The following B4GALNT3 variants were observed in gnomAD, a reference collection of about 807,000 sequenced individuals.
The protein encoded by B4GALNT3 is beta-1,4-N-acetyl-galactosaminyltransferase 3, also known as beta-1,4-N-acetylgalactosaminyltransferase 3.
B4GALNT3 carries 86 observed loss-of-function variants against 120.2 expected under a neutral mutation model. The observed-to-expected ratio is 0.72, with a 90% CI of 0.60 to 0.86. The LOEUF (loss-of-function observed/expected upper bound fraction) is 0.86. B4GALNT3 is among the 40% of genes least tolerant of loss of function. The pLI, the probability that B4GALNT3 is intolerant of heterozygous loss-of-function variation, is 0.00. For missense variants in B4GALNT3, 1,167 were observed against 1,298.9 expected (o/e 0.90, Z 1.56); for synonymous variants, 518 against 510.4 (o/e 1.01, Z -0.20).
chr12:547,835 A>G (rs144609567), intron 7 of B4GALNT3, among the ~76,000 whole-genome samples, 189 bp from the exon 8 acceptor site: 262 of 152,260 alleles, frequency 1.7e-3, no homozygotes, highest in Non-Finnish European at 3.3e-3. Flanking sequence ...CCATCTCACC[A>G]AGAGAAAACA....
intron 1 of B4GALNT3, among the ~76,000 whole-genome samples, chr12:474,176 GT>G (rs1946162053): frequency 6.6e-6 from 1 of 152,210 alleles, no homozygotes; most frequent in Non-Finnish European, 1.5e-5. Context: ...CAGACTTGGA[GT>G]TTTCTACCAG....
chr12:533,370 G>A (rs895375430), intron 1 of B4GALNT3, among the ~76,000 whole-genome samples: 10 of 152,092 alleles, frequency 6.6e-5, no homozygotes, highest in East Asian at 3.9e-4. Flanking sequence ...CCCTGAACTC[G>A]CCAGACCTCT....
chr12:480,154 A>T (rs1488895116), intron 1 of B4GALNT3, among the ~76,000 whole-genome samples: 1 of 150,160 alleles, frequency 6.7e-6, no homozygotes, highest in African/African-American at 2.5e-5. Context: ...TGACCTCGTG[A>T]TCCGCCCGCC....
chr12:512,186 A>ACCTTCCG lies in B4GALNT3; in HGVS notation c.170-22973_170-22967dup, dbSNP rs201161979. On this transcript the variant is annotated intron_variant, in intron 1 of 19. Coordinates refer to ENST00000266383, the MANE Select transcript of B4GALNT3 (RefSeq NM_173593.4). ...TTCCACCTTCCGCCTTCCGCCTTCC[A>ACCTTCCG]CCTTCCGCCTTCCACCTTCCACCTT... 2.7e-3 allele frequency among the ~76,000 whole-genome samples: 98 copies of ACCTTCCG among 36,646 alleles called. 8 individuals carry two copies. Among genetic ancestry groups the ACCTTCCG allele is most frequent in the Non-Finnish European group, 4.0e-3 (80 of 20,026 alleles). The allele number at this position is 36,646 out of a possible 152,430, so 24.0% of individuals were successfully genotyped here. A position where few individuals can be genotyped will look rare whatever the true frequency, so the allele number is the denominator to read the frequency against.
chr12:555,263 T>A (rs1408868512), intron 14 of B4GALNT3: 1 of 445,152 alleles, frequency 2.2e-6, no homozygotes, highest in South Asian at 1.6e-5. Context: ...CCCAGTAGTG[T>A]CTGGCAATAA....
Position 556,698 on chromosome 12 carries a change from G to C in B4GALNT3, c.2212G>C (p.Asp738His). Residue 738 changes from aspartate to histidine, a missense_variant, in exon 15 of 20, where the codon GAT becomes CAT. Asp to His is a moderately conservative substitution (Grantham distance 81). This residue lies in a region of B4GALNT3 where 983 missense variants were observed against 1,102.5 expected (regional missense o/e 0.89). Coordinates refer to ENST00000266383, the MANE Select transcript of B4GALNT3 (RefSeq NM_173593.4). ...GTCTGCACGAGGCTGGCAGGGCATC[G>C]ATCCAGCTGGTGGGGAGGAGGTCGA... ...YVSARGWQGI[D>H]PAGGEEVEAR... 6.2e-7 allele frequency: 1 copy of C among 1,613,874 alleles called. No individual in the cohort carries two copies. The highest frequency in any genetic ancestry group is 1.3e-5 in the African/African-American group (1 of 75,040).
chr12:548,162 T>C lies in B4GALNT3; in HGVS notation c.786+60T>C. On this transcript the variant is annotated intron_variant, in intron 8 of 19. Transcript: ENST00000266383. This position sits in a 1 kb window ranked among gnomAD's most constrained non-coding sequence, Gnocchi z 4.9. ...AGTTCCTGGCACTCATCTCCCCTTG[T>C]CCCTTGACCCCTGTTGGAAATCCAG... The C allele has an allele frequency of 1.9e-6, 3 of 1,606,566 alleles. No individual in the cohort carries two copies. The South Asian group carries it at 3.3e-5, about 18-fold the overall frequency.
rs1222632565 is a variant in B4GALNT3 at position 550,099 on chromosome 12, T to G, written c.997+187T>G. 6.6e-6 allele frequency among the ~76,000 whole-genome samples: 1 copy of G among 152,244 alleles called. No individual in the cohort carries two copies. The highest frequency in any genetic ancestry group is 2.4e-5 in the African/African-American group (1 of 41,456). ...TGTAAATAAGTATAAAATATTTACGTGTAATTTTACAATTCTGCATATCAT... is the reference window on the plus strand; with the variant it reads ...TGTAAATAAGTATAAAATATTTACGGGTAATTTTACAATTCTGCATATCAT... On this transcript the variant is annotated intron_variant, in intron 10 of 19. Transcript: ENST00000266383. The surrounding 1 kb of genome is among the most constrained non-coding windows in gnomAD (Gnocchi z 4.1).
Position 549,827 on chromosome 12 carries a change from C to A in B4GALNT3, c.912C>A (p.His304Gln). 2 of 1,613,756 alleles carry A rather than the reference C, an allele frequency of 1.2e-6. No individual in the cohort carries two copies. The highest frequency in any genetic ancestry group is 3.3e-5 in the Admixed American group (2 of 60,024). Residue 304 changes from histidine to glutamine, a missense_variant, in exon 10 of 20, where the codon CAC becomes CAA. By Grantham distance (24) the His-to-Gln change is conservative. Coordinates refer to ENST00000266383, the MANE Select transcript of B4GALNT3 (RefSeq NM_173593.4). ...VGHIPQTAAS[H>Q]VDSSNALPRD... Reference sequence around the variant, plus strand: ...ACATCCCACAGACAGCAGCCAGCCACGTGGACTCCTCCAACGCTCTTCCCA... The same window carrying A: ...ACATCCCACAGACAGCAGCCAGCCAAGTGGACTCCTCCAACGCTCTTCCCA...
intron 13 of B4GALNT3, 200 bp downstream of exon 13, chr12:552,728 T>G: frequency 1.7e-6 from 1 of 601,230 alleles, no homozygotes; most frequent in Non-Finnish European, 3.0e-6. Flanking sequence ...AAAATGACAC[T>G]ATTTTTAGCA....
At chr12:546,097 G>A (rs1401613262) in intron 6 of B4GALNT3, among the ~76,000 whole-genome samples, 3 of 146,192 alleles carry the variant, frequency 2.1e-5, no homozygotes, top group Admixed American at 2.0e-4. Flanking sequence ...GGGAGTTGTG[G>A]GAAAGTGGGG....
In B4GALNT3 at chr12:509,752, G is replaced by C. The variant is rs1029357177; in HGVS notation, c.170-25414G>C. ...TTTGGAAGGAGGTGCTGAGAGCGGAGCTGGGTTATTCTAAGCGTGGCCCAG... is the reference window on the plus strand; with the variant it reads ...TTTGGAAGGAGGTGCTGAGAGCGGACCTGGGTTATTCTAAGCGTGGCCCAG... On this transcript the variant is annotated intron_variant, in intron 1 of 19. Transcript: ENST00000266383. Among the ~76,000 whole-genome samples, 4 of 152,128 alleles carry C rather than the reference G, an allele frequency of 2.6e-5. No individual in the cohort carries two copies. In the East Asian group the frequency reaches 7.7e-4, roughly 29 times the overall value.
At chr12:549,432 A>C (rs551304649) in intron 9 of B4GALNT3, among the ~76,000 whole-genome samples, 20 of 152,388 alleles carry the variant, frequency 1.3e-4, no homozygotes, top group African/African-American at 4.8e-4. Context: ...GGCCTGGCTT[A>C]TTATTAAGTG....
intron 1 of B4GALNT3, among the ~76,000 whole-genome samples, chr12:497,891 C>T (rs1946402929): frequency 6.6e-6 from 1 of 152,052 alleles, no homozygotes; most frequent in African/African-American, 2.4e-5. Context: ...GATTCTTTAC[C>T]CTAACCACTT....
chr12:512,186 A>G (rs369702638), intron 1 of B4GALNT3, among the ~76,000 whole-genome samples: 454 of 36,554 alleles, frequency 0.012, 26 homozygotes, highest in African/African-American at 0.038. Flanking sequence ...TCCGCCTTCC[A>G]CCTTCCGCCT....
intron 1 of B4GALNT3, among the ~76,000 whole-genome samples, chr12:520,507 A>G (rs191422904): frequency 7.1e-4 from 54 of 76,470 alleles, no homozygotes; most frequent in African/African-American, 2.7e-3. Flanking sequence ...TTCTATTATC[A>G]TACTTTTCCC....
chr12:536,742 T>C (rs569358197), intron 3 of B4GALNT3, among the ~76,000 whole-genome samples: 7 of 152,346 alleles, frequency 4.6e-5, no homozygotes, highest in African/African-American at 1.7e-4. Context: ...AAAGGCCTAC[T>C]GTGTGGCAGG....
chr12:474,094 C>T (rs185060959), intron 1 of B4GALNT3, among the ~76,000 whole-genome samples: 6 of 152,268 alleles, frequency 3.9e-5, no homozygotes, highest in Admixed American at 3.3e-4. Flanking sequence ...TCAGGATAAG[C>T]GTCTCCTTCC....
At chr12:555,794 T>A (rs1947145038) in intron 14 of B4GALNT3, among the ~76,000 whole-genome samples, 1 of 151,924 alleles carries the variant, frequency 6.6e-6, no homozygotes, top group African/African-American at 2.4e-5. Context: ...TTTATTTATT[T>A]TTTTTTTTGA....
Sources: allele counts gnomAD v4.1 joint callset (sites outside exome capture counted in the v4.1 genomes callset), GRCh38; gene constraint gnomAD v4.1.1; regional missense constraint gnomAD v4.1.1; non-coding constraint Gnocchi (gnomAD v3.1); transcripts MANE v1.5; gene names NCBI Gene and HGNC (gene_info 2026-07-23, HGNC 2026-07-21).